The following LRRC8B variants were observed in gnomAD, a reference collection of about 807,000 sequenced individuals.
LRRC8B encodes the protein volume-regulated anion channel subunit LRRC8B.
In LRRC8B, 23 loss-of-function variants were observed where a neutral mutation model predicts 58.8. The ratio of observed to expected loss-of-function variants is 0.39; its 90% confidence interval spans 0.28 to 0.55. The LOEUF is 0.55. LRRC8B is among the 20% of genes least tolerant of loss of function. The probability of loss-of-function intolerance (pLI) is 0.62; values close to 1 mark genes in which losing one functional copy is unlikely to be tolerated. For missense variants in LRRC8B, 694 were observed against 936.0 expected (o/e 0.74, Z 3.37); for synonymous variants, 359 against 374.1 (o/e 0.96, Z 0.47).
chr1:89,538,895 A>AT (rs767282251), intron 1 of LRRC8B, among the ~76,000 whole-genome samples: 70 of 151,846 alleles, frequency 4.6e-4, no homozygotes, highest in African/African-American at 8.9e-4. Context: ...TAATTTACGT[A>AT]TTTTTTAATA....
chr1:89,555,175 G>A (rs1019173628), intron 1 of LRRC8B, among the ~76,000 whole-genome samples: 2 of 152,124 alleles, frequency 1.3e-5, no homozygotes, highest in African/African-American at 2.4e-5. Context: ...TGGAATGTAG[G>A]CATTCTATGT....
At chr1:89,525,524 C>G (rs1161053084) in intron 1 of LRRC8B, among the ~76,000 whole-genome samples, 1 of 152,232 alleles carries the variant, frequency 6.6e-6, no homozygotes, top group African/African-American at 2.4e-5. Flanking sequence ...CTATTTTATG[C>G]TGTTGGATAC....
intron 1 of LRRC8B, among the ~76,000 whole-genome samples, chr1:89,541,689 C>T (rs532523215): frequency 7.0e-5 from 8 of 114,916 alleles, no homozygotes; most frequent in Admixed American, 1.2e-4. Context: ...CCAGCCTGGG[C>T]GACAGAGGGA....
intron 1 of LRRC8B, among the ~76,000 whole-genome samples, chr1:89,541,335 G>C (rs973801581): frequency 6.6e-6 from 1 of 152,176 alleles, no homozygotes; most frequent in Non-Finnish European, 1.5e-5. Context: ...GGCAGAGAGA[G>C]TTCCCATCAC....
At chr1:89,550,521 A>G (rs1412783155) in intron 1 of LRRC8B, among the ~76,000 whole-genome samples, 1 of 152,190 alleles carries the variant, frequency 6.6e-6, no homozygotes, top group Non-Finnish European at 1.5e-5. Flanking sequence ...TTGCGAGAAC[A>G]GTACTCAGTC....
At chr1:89,585,654 CA>C (rs1271014007) in intron 5 of LRRC8B, among the ~76,000 whole-genome samples, 3 of 151,688 alleles carry the variant, frequency 2.0e-5, no homozygotes, top group Non-Finnish European at 4.4e-5. Flanking sequence ...ATATATTATC[CA>C]AAAATTAGCT....
chr1:89,525,209 T>C (rs1311497274), intron 1 of LRRC8B, among the ~76,000 whole-genome samples, 187 bp downstream of exon 1: 2 of 152,208 alleles, frequency 1.3e-5, no homozygotes, highest in African/African-American at 2.4e-5. Context: ...AGTGGCCGCT[T>C]CGTTGTGCTC....
At chr1:89,540,161 A>G (rs1479149894) in intron 1 of LRRC8B, among the ~76,000 whole-genome samples, 1 of 152,066 alleles carries the variant, frequency 6.6e-6, no homozygotes, top group Non-Finnish European at 1.5e-5. Context: ...TAAGTTTATT[A>G]TTTTTTAAGT....
In LRRC8B at chr1:89,594,142, T is replaced by G. The variant is rs1286836539; in HGVS notation, c.*1099T>G. On this transcript the variant is annotated 3_prime_UTR_variant, in exon 6 of 6. Transcript: ENST00000330947. Reference sequence around the variant, plus strand: ...ATATTTTCTATTGTATAATCTTGGATTCAACATCTGTGAGGATCATTTTTG... The same window carrying G: ...ATATTTTCTATTGTATAATCTTGGAGTCAACATCTGTGAGGATCATTTTTG... 6.6e-6 allele frequency: 1 copy of G among 152,234 alleles called. No homozygotes were observed. The highest frequency in any genetic ancestry group is 6.5e-5 in the Admixed American group (1 of 15,284). The allele number at this position is 152,234 out of a possible 1,614,324, so 9.4% of individuals were successfully genotyped here.
At chr1:89,569,641 T>A (rs1171865201) in intron 3 of LRRC8B, among the ~76,000 whole-genome samples, 1 of 152,170 alleles carries the variant, frequency 6.6e-6, no homozygotes, top group African/African-American at 2.4e-5. Flanking sequence ...AGAACATGAT[T>A]TCATTATTTT....
At position 89,541,482 on chromosome 1, in the gene LRRC8B, C is replaced by T. The variant is rs890586969; in HGVS notation, c.-241+16460C>T. 2.6e-5 allele frequency among the ~76,000 whole-genome samples: 4 copies of T among 151,518 alleles called. No individual in the cohort carries two copies. The South Asian group carries it at 6.2e-4, about 24-fold the overall frequency. Reference sequence around the variant, plus strand: ...ATCCCAGCACTTTGGGAGGCCGAGGCGGGCGGATCACGAGGTCAGGAGATC... The same window carrying T: ...ATCCCAGCACTTTGGGAGGCCGAGGTGGGCGGATCACGAGGTCAGGAGATC... On this transcript the variant is annotated intron_variant, in intron 1 of 5. Transcript: ENST00000330947.
At chr1:89,534,125 A>G (rs938623872) in intron 1 of LRRC8B, among the ~76,000 whole-genome samples, 4 of 152,170 alleles carry the variant, frequency 2.6e-5, no homozygotes, top group African/African-American at 9.7e-5. Flanking sequence ...GCTTTCAAGT[A>G]GTTTATAACA....
At chr1:89,545,602 C>T (rs1158456383) in intron 1 of LRRC8B, among the ~76,000 whole-genome samples, 3 of 152,178 alleles carry the variant, frequency 2.0e-5, no homozygotes, top group Non-Finnish European at 2.9e-5. Flanking sequence ...TTTTAATAAA[C>T]TCTATAAAAC....
intron 1 of LRRC8B, among the ~76,000 whole-genome samples, chr1:89,551,819 T>C (rs561005038): frequency 7.9e-5 from 12 of 152,308 alleles, no homozygotes; most frequent in Non-Finnish European, 1.5e-4. Flanking sequence ...CTTCAACCTC[T>C]TAACACCATG....
intron 1 of LRRC8B, among the ~76,000 whole-genome samples, chr1:89,531,071 C>G (rs1650097441): frequency 6.6e-6 from 1 of 152,156 alleles, no homozygotes; most frequent in Admixed American, 6.5e-5. Context: ...GTTTCTTGCT[C>G]TGAGTGGACA....
At chr1:89,587,377 T>TA (rs1371458811) in intron 5 of LRRC8B, among the ~76,000 whole-genome samples, 4 of 151,922 alleles carry the variant, frequency 2.6e-5, no homozygotes, top group Non-Finnish European at 4.4e-5. Context: ...CTACTAATAA[T>TA]AAAAAAATTA....
At chr1:89,532,787 C>G (rs1374792284) in intron 1 of LRRC8B, among the ~76,000 whole-genome samples, 9 of 152,192 alleles carry the variant, frequency 5.9e-5, no homozygotes, top group African/African-American at 1.9e-4. Flanking sequence ...AATGTCCATG[C>G]CACCTACCTC....
chr1:89,556,707 C>T (rs754562302), intron 1 of LRRC8B, among the ~76,000 whole-genome samples: 4 of 152,204 alleles, frequency 2.6e-5, no homozygotes, highest in African/African-American at 4.8e-5. Flanking sequence ...AGCTGAGGAG[C>T]AAATGGCAAC....
At position 89,564,908 on chromosome 1, in the gene LRRC8B, A is replaced by G. The variant is rs189690794; in HGVS notation, c.-240-3339A>G. On this transcript the variant is annotated intron_variant, in intron 1 of 5. Transcript: ENST00000330947. ...GTATTTGGTGGTCAGAAATTAGCTC[A>G]AGCACTAGGCTGATTTGCAGTGCAT... 2.0e-3 allele frequency among the ~76,000 whole-genome samples: 305 copies of G among 152,356 alleles called. 2 individuals carry two copies. Among genetic ancestry groups the G allele is most frequent in the Middle Eastern group, 3.4e-3 (1 of 294 alleles).
Sources: gnomAD v4.1 joint callset for allele counts (sites outside exome capture counted in the v4.1 genomes callset) on GRCh38, gnomAD v4.1.1 for gene constraint, MANE v1.5 for transcripts, NCBI Gene and HGNC (gene_info 2026-07-23, HGNC 2026-07-21) for gene names.